ZNF536: variants seen among roughly 807,000 people sequenced by gnomAD.
The protein encoded by ZNF536 is zinc finger protein 536.
Under a neutral mutation model 84.5 loss-of-function variants are expected in ZNF536, and 13 were observed. The observed-to-expected ratio is 0.15, with a 90% CI of 0.10 to 0.24. The LOEUF (loss-of-function observed/expected upper bound fraction) is 0.24, where lower values mean the gene tolerates loss of function less well. Ranked by LOEUF, ZNF536 falls within the 10% of genes least tolerant of loss-of-function variation. The pLI, the probability that ZNF536 is intolerant of heterozygous loss-of-function variation, is 1.00. For synonymous variants in ZNF536, 811 were observed against 742.5 expected, an observed-to-expected ratio of 1.09 and a Z score of -1.50; for missense variants, 1,536 against 1,747.5, an observed-to-expected ratio of 0.88 and a Z score of 2.16.
intron 1 of ZNF536, among the ~76,000 whole-genome samples, chr19:30,623,083 A>G (rs1192021423): frequency 1.4e-5 from 2 of 142,702 alleles, no homozygotes; most frequent in Non-Finnish European, 3.0e-5. Context: ...CATCACCCAG[A>G]CTGGAACACC....
chr19:30,389,721 C>G (rs916092567), intron 1 of ZNF536, among the ~76,000 whole-genome samples: 2 of 152,128 alleles, frequency 1.3e-5, no homozygotes, highest in Non-Finnish European at 2.9e-5. Context: ...TGAATCCTAG[C>G]AGATTCTTTT....
chr19:30,236,017 G>T (rs1019304317), intron 1 of ZNF536, among the ~76,000 whole-genome samples: 1 of 152,238 alleles, frequency 6.6e-6, no homozygotes, highest in Non-Finnish European at 1.5e-5. Flanking sequence ...GTTTCCACCC[G>T]AAAGAGGGTC....
chr19:30,570,318 G>GA (rs2046500922), intron 1 of ZNF536, among the ~76,000 whole-genome samples: 2 of 152,266 alleles, frequency 1.3e-5, no homozygotes, highest in Admixed American at 6.5e-5. Flanking sequence ...GGGTGGGCTG[G>GA]AAGGCAGGAA....
intron 1 of ZNF536, among the ~76,000 whole-genome samples, chr19:30,574,548 T>C (rs2046662388): frequency 6.6e-6 from 1 of 152,276 alleles, no homozygotes; most frequent in Non-Finnish European, 1.5e-5. Context: ...GACATTGGGC[T>C]TGAATAGCAA....
Position 30,464,834 on chromosome 19 carries a change from G to C in ZNF536, c.2170+19102G>C, listed in dbSNP as rs114838322. On this transcript the variant is annotated intron_variant, in intron 2 of 4. Transcript: ENST00000355537. Reference sequence around the variant, plus strand: ...CAGGGTGGGGCTCCTCCTCCTGCCCGAGTTCCTTACCAGGAAGCACAAGGT... The same window carrying C: ...CAGGGTGGGGCTCCTCCTCCTGCCCCAGTTCCTTACCAGGAAGCACAAGGT... Among the ~76,000 whole-genome samples, 652 of 152,084 alleles carry C rather than the reference G, an allele frequency of 4.3e-3. 5 individuals are homozygous for C. The highest frequency in any genetic ancestry group is 0.015 in the African/African-American group (627 of 41,460).
chr19:30,259,222 A>G (rs1031658536), intron 1 of ZNF536, among the ~76,000 whole-genome samples: 4 of 152,102 alleles, frequency 2.6e-5, no homozygotes, highest in Non-Finnish European at 2.9e-5. Flanking sequence ...TGCGTCATTT[A>G]TATTCTGATG....
At chr19:30,597,004 T>C (rs2047489747) in intron 1 of ZNF536, among the ~76,000 whole-genome samples, 1 of 152,228 alleles carries the variant, frequency 6.6e-6, no homozygotes, top group African/African-American at 2.4e-5. Flanking sequence ...TCCCAGGTTC[T>C]GAGGCTTTCT....
chr19:30,493,243 G>T (rs940837705), intron 2 of ZNF536, among the ~76,000 whole-genome samples: 2 of 151,182 alleles, frequency 1.3e-5, no homozygotes, highest in Non-Finnish European at 2.9e-5. Context: ...TTCCTCCCCT[G>T]CCCAGTCACC....
In ZNF536 at chr19:30,425,723, A is replaced by G. The variant is rs184007966; in HGVS notation, c.-2-17838A>G. ...GGAATAGGTCATATGATGATCCTTG[A>G]ACCAATTACTGAGGCTGGGGCATGG... On this transcript the variant is annotated intron_variant, in intron 1 of 4. Transcript: ENST00000355537. Among the ~76,000 whole-genome samples the G allele has an allele frequency of 3.6e-4, 55 of 152,306 alleles. No homozygotes were observed. In the East Asian group the frequency reaches 0.01, roughly 29 times the overall value.
At chr19:30,703,392 C>G (rs2052080083) in intron 1 of ZNF536, among the ~76,000 whole-genome samples, 1 of 152,184 alleles carries the variant, frequency 6.6e-6, no homozygotes, top group Non-Finnish European at 1.5e-5. Flanking sequence ...TGTTTGGGAC[C>G]TGGCCCCCAG....
intron 1 of ZNF536, among the ~76,000 whole-genome samples, chr19:30,424,461 G>C (rs1490193615): frequency 6.6e-6 from 1 of 152,192 alleles, no homozygotes; most frequent in East Asian, 1.9e-4. Context: ...TCTTTACTGA[G>C]CACAGGTAAC....
At chr19:30,383,890 CTTCT>C (rs372564211) in intron 1 of ZNF536, among the ~76,000 whole-genome samples, 57 of 99,878 alleles carry the variant, frequency 5.7e-4, no homozygotes, top group African/African-American at 2.3e-3. Flanking sequence ...CCCTCCCTTC[CTTCT>C]TTCTTTCTTT....
chr19:30,336,157 G>C lies in ZNF536; in HGVS notation c.-119-16211G>C, dbSNP rs566793176. Among the ~76,000 whole-genome samples, 314 of 152,224 alleles carry C rather than the reference G, an allele frequency of 2.1e-3. 1 individual carries two copies. Among genetic ancestry groups the C allele is most frequent in the Non-Finnish European group, 4.1e-3 (279 of 68,044 alleles). Reference sequence around the variant, plus strand: ...ATGTCCTATGCTGGTTTAGGTTCCAGCATGAGAGTAAGGCAGAACCTGCTT... The same window carrying C: ...ATGTCCTATGCTGGTTTAGGTTCCACCATGAGAGTAAGGCAGAACCTGCTT... On this transcript the variant is annotated intron_variant, in intron 2 of 5. Transcript: ENST00000585628.
intron 2 of ZNF536, among the ~76,000 whole-genome samples, chr19:30,532,168 T>G (rs949871587): frequency 6.6e-6 from 1 of 152,054 alleles, no homozygotes; most frequent in African/African-American, 2.4e-5. Context: ...CTCACTCTGT[T>G]GCCCAGGCTG....
At chr19:30,284,372 A>G (rs1248873255) in intron 2 of ZNF536, among the ~76,000 whole-genome samples, 1 of 152,230 alleles carries the variant, frequency 6.6e-6, no homozygotes, top group Admixed American at 6.5e-5. Flanking sequence ...GCAAAGCCCA[A>G]CAAGGGTGAC....
At chr19:30,588,909 G>A (rs1313394706) in intron 1 of ZNF536, among the ~76,000 whole-genome samples, 2 of 152,114 alleles carry the variant, frequency 1.3e-5, no homozygotes, top group African/African-American at 2.4e-5. Flanking sequence ...GGTGACATGC[G>A]AATATGGCAA....
At position 30,383,311 on chromosome 19, in the gene ZNF536, C is replaced by CAA. The variant is rs11398659; in HGVS notation, c.-3+10762_-3+10763dup. ...TCTCAAAAACAAAGAAACAAACAAA[C>CAA]AAAAAAAACAAATGCAACTCAGGTT... On this transcript the variant is annotated intron_variant, in intron 1 of 4. Coordinates refer to ENST00000355537, the MANE Select transcript of ZNF536 (RefSeq NM_014717.3). 2.3e-3 allele frequency among the ~76,000 whole-genome samples: 342 copies of CAA among 151,882 alleles called. 2 individuals carry two copies. The highest frequency in any genetic ancestry group is 6.2e-3 in the African/African-American group (258 of 41,430).
At chr19:30,237,245 T>C (rs535788894) in intron 1 of ZNF536, among the ~76,000 whole-genome samples, 1 of 152,168 alleles carries the variant, frequency 6.6e-6, no homozygotes, top group East Asian at 1.9e-4. Flanking sequence ...ATAAAATAAT[T>C]TGTTCATTGA....
chr19:30,464,140 A>G (rs1292168198), intron 2 of ZNF536, among the ~76,000 whole-genome samples: 1 of 152,174 alleles, frequency 6.6e-6, no homozygotes, highest in Non-Finnish European at 1.5e-5. Flanking sequence ...TTTAAGGCCT[A>G]AGCCCTGTGG....
Sources: allele counts gnomAD v4.1 joint callset (sites outside exome capture counted in the v4.1 genomes callset), GRCh38; gene constraint gnomAD v4.1.1; transcripts MANE v1.5; gene names NCBI Gene and HGNC (gene_info 2026-07-23, HGNC 2026-07-21).